SGCD: variants seen among roughly 807,000 people sequenced by gnomAD.
SGCD encodes the protein delta-sarcoglycan.
Under a neutral mutation model 36.6 loss-of-function variants are expected in SGCD, and 18 were observed. The observed-to-expected ratio is 0.49, with a 90% CI of 0.34 to 0.73. The LOEUF (loss-of-function observed/expected upper bound fraction) is 0.73. Ranked by LOEUF, SGCD falls within the 30% of genes least tolerant of loss-of-function variation. The probability of loss-of-function intolerance (pLI) is 0.01; values close to 1 mark genes in which losing one functional copy is unlikely to be tolerated. For synonymous variants in SGCD, 133 were observed against 130.6 expected (o/e 1.02, Z -0.12); for missense variants, 387 against 346.7 (o/e 1.12, Z -0.92).
chr5:156,363,761 T>G (rs368900354), intron 3 of SGCD, among the ~76,000 whole-genome samples: 1 of 152,236 alleles, frequency 6.6e-6, no homozygotes, highest in Non-Finnish European at 1.5e-5. Flanking sequence ...TTAGTTCCCT[T>G]ATTTCCCTAA....
chr5:156,559,323 T>G (rs1354009991), intron 4 of SGCD, among the ~76,000 whole-genome samples: 1 of 152,192 alleles, frequency 6.6e-6, no homozygotes, highest in Non-Finnish European at 1.5e-5. Context: ...GCCTGGCTGC[T>G]TCTTCAGACT....
the SGCD span, among the ~76,000 whole-genome samples, chr5:155,740,607 G>A: frequency 6.6e-5 from 10 of 152,110 alleles, no homozygotes; most frequent in African/African-American, 1.7e-4. Context: ...TGACATTTTC[G>A]TACAGTATGG....
At chr5:155,936,059 A>T (rs1168746511) in intron 1 of SGCD, among the ~76,000 whole-genome samples, 1 of 152,066 alleles carries the variant, frequency 6.6e-6, no homozygotes, top group Non-Finnish European at 1.5e-5. Context: ...GGAAGCTTGG[A>T]GATGCCAGGA....
At chr5:155,785,634 A>G in the SGCD span, among the ~76,000 whole-genome samples, 1 of 152,226 alleles carries the variant, frequency 6.6e-6, no homozygotes, top group Non-Finnish European at 1.5e-5. Context: ...AAGTCTCAAA[A>G]GAATATACTA....
chr5:156,082,327 C>G (rs1000309625), intron 1 of SGCD, among the ~76,000 whole-genome samples: 11 of 151,822 alleles, frequency 7.2e-5, no homozygotes, highest in African/African-American at 2.4e-4. Flanking sequence ...CTTGAGACTT[C>G]CTCAGTTCTG....
chr5:156,360,911 C>G (rs1050764859), intron 3 of SGCD, among the ~76,000 whole-genome samples: 1 of 152,112 alleles, frequency 6.6e-6, no homozygotes, highest in Admixed American at 6.5e-5. Context: ...GAGTAGGTAC[C>G]CAGAAAGGCT....
intron 3 of SGCD, among the ~76,000 whole-genome samples, chr5:156,288,108 T>C (rs1239576515): frequency 6.6e-6 from 1 of 152,188 alleles, no homozygotes; most frequent in Admixed American, 6.6e-5. Context: ...CTTCAGAATA[T>C]CTTTTGAATG....
chr5:156,313,046 T>C (rs942369983), intron 3 of SGCD, among the ~76,000 whole-genome samples: 2 of 152,142 alleles, frequency 1.3e-5, no homozygotes, highest in African/African-American at 4.8e-5. Flanking sequence ...CTCTAAGCCA[T>C]CTGTCTCAGA....
At chr5:156,470,465 T>G (rs965706392) in intron 3 of SGCD, among the ~76,000 whole-genome samples, 19 of 152,132 alleles carry the variant, frequency 1.2e-4, no homozygotes, top group Middle Eastern at 3.4e-3. Context: ...TTAGCATTAG[T>G]TATATCTCCT....
chr5:156,671,676 G>A (rs1024715310), intron 7 of SGCD, among the ~76,000 whole-genome samples: 1 of 152,112 alleles, frequency 6.6e-6, no homozygotes, highest in Non-Finnish European at 1.5e-5. Context: ...GCATGAGCTG[G>A]GATTTTTAGG....
chr5:156,658,712 C>A (rs1472136140), intron 7 of SGCD, among the ~76,000 whole-genome samples: 1 of 22,766 alleles, frequency 4.4e-5, no homozygotes, highest in African/African-American at 3.8e-4. Flanking sequence ...CCATCATCAT[C>A]ATGGCCCGTT....
At chr5:155,880,001 C>T (rs955976700) in intron 1 of SGCD, among the ~76,000 whole-genome samples, 4 of 152,108 alleles carry the variant, frequency 2.6e-5, no homozygotes, top group African/African-American at 9.7e-5. Context: ...GGGAGTTTTG[C>T]AGTAAATCAT....
chr5:155,851,426 A>AT, the SGCD span, among the ~76,000 whole-genome samples: 1 of 151,858 alleles, frequency 6.6e-6, no homozygotes, highest in African/African-American at 2.4e-5. Context: ...TTTTTGCTTT[A>AT]TTTTCTGGCT....
chr5:155,856,542 ACT>A, the SGCD span, among the ~76,000 whole-genome samples: 1 of 152,202 alleles, frequency 6.6e-6, no homozygotes, highest in South Asian at 2.1e-4. Context: ...TTTGAAAGAC[ACT>A]GTTAAGAAAG....
chr5:156,034,755 C>T (rs1759447071), intron 1 of SGCD, among the ~76,000 whole-genome samples: 2 of 152,172 alleles, frequency 1.3e-5, no homozygotes, highest in African/African-American at 2.4e-5. Context: ...GTGTCTCACC[C>T]ACTAGATTTC....
intron 7 of SGCD, among the ~76,000 whole-genome samples, chr5:156,724,281 T>C (rs1279323706): frequency 6.6e-6 from 1 of 152,140 alleles, no homozygotes; most frequent in Non-Finnish European, 1.5e-5. Flanking sequence ...ATGTAACCAA[T>C]GGAGCAAGAT....
upstream of SGCD, among the ~76,000 whole-genome samples, chr5:155,865,725 T>C (rs1755510555): frequency 6.6e-6 from 1 of 152,194 alleles, no homozygotes; most frequent in Non-Finnish European, 1.5e-5. Flanking sequence ...ATATATGTTT[T>C]AAAAGTCACA....
At chr5:156,356,854 G>A (rs1769518957) in intron 3 of SGCD, among the ~76,000 whole-genome samples, 2 of 152,152 alleles carry the variant, frequency 1.3e-5, no homozygotes, top group African/African-American at 4.8e-5. Flanking sequence ...TGACACAGAA[G>A]AGGAGGAGGC....
chr5:155,792,181 T>A, the SGCD span, among the ~76,000 whole-genome samples: 1 of 152,116 alleles, frequency 6.6e-6, no homozygotes, highest in Non-Finnish European at 1.5e-5. Flanking sequence ...TAAATGGTGC[T>A]GGGGTAACTG....
Sources: allele counts gnomAD v4.1 joint callset (sites outside exome capture counted in the v4.1 genomes callset), GRCh38; gene constraint gnomAD v4.1.1; transcripts MANE v1.5; gene names NCBI Gene and HGNC (gene_info 2026-07-23, HGNC 2026-07-21).